The following ZAP70 variants were observed in gnomAD, a reference collection of about 807,000 sequenced individuals.
ZAP70 encodes the protein tyrosine-protein kinase ZAP-70.
A neutral mutation model predicts 65.8 loss-of-function variants in ZAP70; 27 were observed. The observed-to-expected ratio is 0.41, with a 90% CI of 0.30 to 0.57. ZAP70 has a LOEUF of 0.57. ZAP70 is among the 20% of genes least tolerant of loss of function. The pLI, the probability that ZAP70 is intolerant of heterozygous loss-of-function variation, is 0.28. For missense variants in ZAP70, 696 were observed against 870.5 expected (o/e 0.80, Z 2.52); for synonymous variants, 363 against 360.8 (o/e 1.01, Z -0.07).
At chr2:97,714,877 G>A (rs1433354237) in intron 2 of ZAP70, among the ~76,000 whole-genome samples, 3 of 152,152 alleles carry the variant, frequency 2.0e-5, no homozygotes, top group South Asian at 4.1e-4. Context: ...TGTTGCGGGG[G>A]TGGTGTTGAT....
chr2:97,717,460 A>AGCCTCTGGCTGGGGGGACATGC (rs1559315906), intron 2 of ZAP70, among the ~76,000 whole-genome samples: 1 of 116,890 alleles, frequency 8.6e-6, no homozygotes, highest in Non-Finnish European at 1.8e-5. Flanking sequence ...GGGGGACACG[A>AGCCTCTGGCTGGGGGGACATGC]GGAGCCTCTG....
chr2:97,729,932 A>G (rs926583720), intron 4 of ZAP70, among the ~76,000 whole-genome samples: 1 of 152,138 alleles, frequency 6.6e-6, no homozygotes, highest in African/African-American at 2.4e-5. Flanking sequence ...GGCTTAAAAC[A>G]ATGGTCATTT....
chr2:97,719,558 G>A (rs528405495), intron 2 of ZAP70, among the ~76,000 whole-genome samples: 1 of 151,060 alleles, frequency 6.6e-6, no homozygotes, highest in Non-Finnish European at 1.5e-5. Context: ...CAGCCTGGGG[G>A]GGGGGCGCAG....
At chr2:97,749,663 G>T in the ZAP70 span, among the ~76,000 whole-genome samples, 1 of 152,240 alleles carries the variant, frequency 6.6e-6, no homozygotes, top group African/African-American at 2.4e-5. Flanking sequence ...TGTGGGCATA[G>T]GAATCTGATG....
At position 97,737,932 on chromosome 2, in the gene ZAP70, G is replaced by A. The variant is rs202064961; in HGVS notation, c.1623+35G>A. Reference sequence around the variant, plus strand: ...GGCAGAGGCAGGTGGGCGGTGTGGTGGGGAGGGGGATGAGGAGGAGGACAC... The same window carrying A: ...GGCAGAGGCAGGTGGGCGGTGTGGTAGGGAGGGGGATGAGGAGGAGGACAC... On this transcript the variant is annotated intron_variant, in intron 12 of 13. Transcript: ENST00000264972. The surrounding 1 kb of genome is among the most constrained non-coding windows in gnomAD (Gnocchi z 5.0). 1.1e-5 allele frequency: 17 copies of A among 1,613,884 alleles called. No homozygotes were observed. The Middle Eastern group carries it at 4.9e-4, about 47-fold the overall frequency.
chr2:97,741,135 A>C (rs984732461), downstream of ZAP70, among the ~76,000 whole-genome samples: 2 of 152,138 alleles, frequency 1.3e-5, no homozygotes, highest in African/African-American at 4.8e-5. Context: ...TCGATCTAGG[A>C]GCCTAGGAAG....
chr2:97,750,732 C>G, the ZAP70 span, among the ~76,000 whole-genome samples: 1 of 152,162 alleles, frequency 6.6e-6, no homozygotes, highest in Non-Finnish European at 1.5e-5. Context: ...GTCCTGTTCC[C>G]CTGTGGTGTT....
intron 2 of ZAP70, among the ~76,000 whole-genome samples, chr2:97,717,951 C>T (rs996811001): frequency 2.6e-5 from 4 of 152,150 alleles, no homozygotes; most frequent in African/African-American, 4.8e-5. Context: ...GCAGGTGCCC[C>T]GTGGCTGCTC....
intron 2 of ZAP70, among the ~76,000 whole-genome samples, chr2:97,720,519 A>T (rs1677117851): frequency 6.6e-6 from 1 of 151,886 alleles, no homozygotes; most frequent in Non-Finnish European, 1.5e-5. Flanking sequence ...CCAGCCATTA[A>T]TTTTTGTATC....
chr2:97,733,101 C>G, intron 5 of ZAP70, 24 bp from the exon 6 acceptor site: 1 of 1,614,008 alleles, frequency 6.2e-7, no homozygotes, highest in Non-Finnish European at 8.5e-7. Flanking sequence ...AGGAGCCTCT[C>G]TGCTAGCTGC....
At chr2:97,717,491 CGTGGAGCCTCTGGCTGGGGGGACAT>C (rs1163283058) in intron 2 of ZAP70, among the ~76,000 whole-genome samples, 7 of 136,156 alleles carry the variant, frequency 5.1e-5, no homozygotes, top group African/African-American at 1.7e-4. Context: ...TGGGGGGACA[CGTGGAGCCTCTGGCTGGGGGGACAT>C]GTGGAGCTTG....
intron 4 of ZAP70, 103 bp from the exon 5 acceptor site, chr2:97,732,780 C>A: frequency 3.3e-6 from 5 of 1,527,508 alleles, no homozygotes; most frequent in Non-Finnish European, 4.5e-6. Flanking sequence ...CTCTGCAAGG[C>A]TCTGAGGTGT....
chr2:97,732,745 C>A, intron 4 of ZAP70, 138 bp from the exon 5 acceptor site: 2 of 1,306,898 alleles, frequency 1.5e-6, no homozygotes, highest in Non-Finnish European at 2.1e-6. Flanking sequence ...GGGGCCTGGC[C>A]TGGCTTCCCC....
intron 2 of ZAP70, among the ~76,000 whole-genome samples, chr2:97,716,155 G>A (rs1372078746): frequency 6.6e-6 from 1 of 152,150 alleles, no homozygotes; most frequent in Non-Finnish European, 1.5e-5. Flanking sequence ...CGCAGTTCTG[G>A]GCTGAGGGAA....
downstream of ZAP70, among the ~76,000 whole-genome samples, chr2:97,743,272 A>G (rs943507770): frequency 6.6e-6 from 1 of 152,176 alleles, no homozygotes; most frequent in African/African-American, 2.4e-5. Flanking sequence ...TCTAGCAATG[A>G]AACTTTTCAC....
At chr2:97,732,269 A>G (rs567625515) in intron 4 of ZAP70, among the ~76,000 whole-genome samples, 1 of 152,316 alleles carries the variant, frequency 6.6e-6, no homozygotes, top group Admixed American at 6.5e-5. Context: ...TCGTGATGAG[A>G]AAGTGACTTG....
At chr2:97,753,968 C>T in the ZAP70 span, among the ~76,000 whole-genome samples, 3 of 152,104 alleles carry the variant, frequency 2.0e-5, no homozygotes, top group Non-Finnish European at 2.9e-5. Context: ...TCAGCCTGGG[C>T]GACAGAGCAA....
chr2:97,716,827 T>C (rs11683207), intron 2 of ZAP70, among the ~76,000 whole-genome samples: 19,510 of 152,004 alleles, frequency 0.13, 1,780 homozygotes, highest in Non-Finnish European at 0.18. Flanking sequence ...GAAGAGGATG[T>C]GATGGCATGA....
intron 9 of ZAP70, chr2:97,734,998 T>C: frequency 3.1e-6 from 2 of 647,260 alleles, no homozygotes; most frequent in Non-Finnish European, 5.3e-6. Context: ...CCTGACAGGC[T>C]GCCCCTGGGG....
Sources: gnomAD v4.1 joint callset for allele counts (sites outside exome capture counted in the v4.1 genomes callset) on GRCh38, gnomAD v4.1.1 for gene constraint, Gnocchi (gnomAD v3.1) non-coding constraint, MANE v1.5 for transcripts, NCBI Gene and HGNC (gene_info 2026-07-23, HGNC 2026-07-21) for gene names.